NTPCR: variants seen among roughly 807,000 people sequenced by gnomAD.
NTPCR encodes the protein cancer-related nucleoside-triphosphatase.
In NTPCR, 15 loss-of-function variants were observed where a neutral mutation model predicts 19.5. The observed-to-expected ratio is 0.77, with a 90% CI of 0.51 to 1.18. NTPCR has a LOEUF of 1.18. Ranked by LOEUF, NTPCR falls within the 50% of genes most tolerant of loss-of-function variation. The probability of loss-of-function intolerance (pLI) is 0.00; values close to 1 mark genes in which losing one functional copy is unlikely to be tolerated. For synonymous variants in NTPCR, 90 were observed against 95.8 expected (o/e 0.94, Z 0.36); for missense variants, 206 against 240.4 (o/e 0.86, Z 0.95).
chr1:232,978,081 G>C (rs1045158), intron 4 of NTPCR, 82 bp from the exon 5 acceptor site: 2 of 1,221,556 alleles, frequency 1.6e-6, no homozygotes, highest in African/African-American at 1.5e-5. Flanking sequence ...CCTTCCAGGC[G>C]TTTCTTTTAG....
At position 232,980,325 on chromosome 1, in the gene NTPCR, A is replaced by G; in HGVS notation, c.*2094A>G. On this transcript the variant is annotated 3_prime_UTR_variant, in exon 5 of 5. Coordinates refer to ENST00000366628, the MANE Select transcript of NTPCR (RefSeq NM_032324.3). ...TAAAGAGACAAGCTTGGAGTGTTTA[A>G]GTGGTTCGTTCAGGAGCACAGTGAT... 6.6e-6 allele frequency: 1 copy of G among 152,184 alleles called. No homozygotes were observed. The highest frequency in any genetic ancestry group is 1.9e-4 in the East Asian group (1 of 5,186). The allele number at this position is 152,184 out of a possible 1,614,324, so 9.4% of individuals were successfully genotyped here.
rs898392838 is a variant in NTPCR at position 232,983,560 on chromosome 1, A to G, written c.*5329A>G. 4 of 152,302 alleles carry G rather than the reference A, an allele frequency of 2.6e-5. No individual in the cohort carries two copies. In the East Asian group the frequency reaches 5.8e-4, roughly 22 times the overall value. The allele number at this position is 152,302 out of a possible 1,614,324, so 9.4% of individuals were successfully genotyped here. ...CCCGCAGGGTGCTGGCGGCCCACCAATCGCCTGGACTACAGTGAGGAGCAT... is the reference window on the plus strand; with the variant it reads ...CCCGCAGGGTGCTGGCGGCCCACCAGTCGCCTGGACTACAGTGAGGAGCAT... On this transcript the variant is annotated 3_prime_UTR_variant, in exon 5 of 5. Transcript: ENST00000366628.
At chr1:232,975,590 T>G (rs1053314270) in intron 4 of NTPCR, among the ~76,000 whole-genome samples, 5 of 152,162 alleles carry the variant, frequency 3.3e-5, no homozygotes, top group Admixed American at 2.6e-4. Context: ...AGCAAGGGAT[T>G]GGATCTGGAG....
chr1:232,955,580 C>T lies in NTPCR; in HGVS notation c.58C>T (p.His20Tyr), dbSNP rs1159005031. The stretch of plus-strand genomic sequence containing the variant: ...AGGAGTTGGAAAAACAACATTGATC[C>T]ATAAAGCCAGTGAGGTTTTAAAATC... Reference protein sequence around the residue: ...PPGVGKTTLIHKASEVLKSSG... With the variant: ...PPGVGKTTLIYKASEVLKSSG... Residue 20 changes from histidine to tyrosine, a missense_variant, in exon 2 of 5, where the codon CAT becomes TAT. Transcript: ENST00000366628. The T allele has an allele frequency of 9.4e-6, 15 of 1,592,988 alleles. No individual in the cohort carries two copies. The highest frequency in any genetic ancestry group is 9.1e-5 in the East Asian group (4 of 44,144).
At chr1:232,969,851 A>T in intron 3 of NTPCR, 58 bp from the exon 4 acceptor site, 1 of 1,396,126 alleles carries the variant, frequency 7.2e-7, no homozygotes, top group Non-Finnish European at 1.0e-6. Context: ...AGTGGGACCC[A>T]TGGGCCCTTT....
chr1:232,972,771 A>G (rs1162222659), intron 4 of NTPCR, among the ~76,000 whole-genome samples: 1 of 152,194 alleles, frequency 6.6e-6, no homozygotes, highest in African/African-American at 2.4e-5. Context: ...GTTGGATTAG[A>G]TATATTTTTG....
chr1:232,955,840 GC>G, intron 2 of NTPCR, 121 bp downstream of exon 2: 1 of 919,418 alleles, frequency 1.1e-6, no homozygotes, highest in Non-Finnish European at 1.7e-6. Context: ...GTCCTTGGAT[GC>G]CCATCTGCTT....
chr1:232,956,501 G>A, intron 3 of NTPCR, 58 bp downstream of exon 3: 3 of 1,207,830 alleles, frequency 2.5e-6, no homozygotes, highest in South Asian at 2.5e-5. Context: ...TGTGGGAATT[G>A]CTAGCCATGG....
intron 1 of NTPCR, 26 bp downstream of exon 1, chr1:232,950,770 C>CA: frequency 6.4e-7 from 1 of 1,562,648 alleles, no homozygotes; most frequent in Non-Finnish European, 8.7e-7. Flanking sequence ...TCCCCACCTC[C>CA]AAGAGGTCGA....
At chr1:232,972,221 AG>A (rs1302115148) in intron 4 of NTPCR, among the ~76,000 whole-genome samples, 2 of 152,184 alleles carry the variant, frequency 1.3e-5, no homozygotes, top group Non-Finnish European at 2.9e-5. Flanking sequence ...AGTAAGAGAT[AG>A]GGGCTGACAT....
At position 232,983,415 on chromosome 1, in the gene NTPCR, C is replaced by T. The variant is rs938528211; in HGVS notation, c.*5184C>T. On this transcript the variant is annotated 3_prime_UTR_variant, in exon 5 of 5. Transcript: ENST00000366628. ...AGAAATGAGAAGCTTCAGTATAACTCAAAACACTGGACGCAGCAATAACTA... is the reference window on the plus strand; with the variant it reads ...AGAAATGAGAAGCTTCAGTATAACTTAAAACACTGGACGCAGCAATAACTA... 2.0e-4 allele frequency: 31 copies of T among 152,186 alleles called. No homozygotes were observed. Among genetic ancestry groups the T allele is most frequent in the African/African-American group, 6.5e-4 (27 of 41,430 alleles). 9.4% of individuals were successfully genotyped at this position (152,186 alleles called of 1,614,324 possible). A position where few individuals can be genotyped will look rare whatever the true frequency, so the allele number is the denominator to read the frequency against.
intron 3 of NTPCR, among the ~76,000 whole-genome samples, chr1:232,956,842 C>A (rs1046193557): frequency 6.6e-6 from 1 of 152,070 alleles, no homozygotes; most frequent in Non-Finnish European, 1.5e-5. Flanking sequence ...AAGCAGTTAA[C>A]GTATTATATT....
In NTPCR at chr1:232,978,459, A is replaced by T; in HGVS notation, c.*228A>T. On this transcript the variant is annotated 3_prime_UTR_variant, in exon 5 of 5. Transcript: ENST00000366628. ...CATTGTGGCTTATCTATGCTTAAAG[A>T]TTTCTTGTTTATTTCCTCTTGCAGT... 1 of 439,484 alleles carries T rather than the reference A, an allele frequency of 2.3e-6. No individual in the cohort carries two copies. Among genetic ancestry groups the T allele is most frequent in the Non-Finnish European group, 4.1e-6 (1 of 244,590 alleles). The allele number at this position is 439,484 out of a possible 1,614,324, so 27.2% of individuals were successfully genotyped here.
At chr1:232,974,624 G>A (rs1362035137) in intron 4 of NTPCR, among the ~76,000 whole-genome samples, 1 of 152,234 alleles carries the variant, frequency 6.6e-6, no homozygotes, top group Non-Finnish European at 1.5e-5. Flanking sequence ...ACCTAGTAAA[G>A]CATCAGTAGA....
chr1:232,968,665 C>T (rs1668889669), intron 3 of NTPCR: 1 of 152,264 alleles, frequency 6.6e-6, no homozygotes, highest in Non-Finnish European at 1.5e-5. Context: ...GTACCATATG[C>T]TGCTTTGGCT....
chr1:232,963,207 C>G (rs910354140), intron 3 of NTPCR: 5 of 152,212 alleles, frequency 3.3e-5, no homozygotes, highest in African/African-American at 1.2e-4. Context: ...TCAGTAAGGA[C>G]ATTCCTGCAG....
At chr1:232,974,987 A>ACCATTGTATCCCATTGAGTTTTATC (rs1347230020) in intron 4 of NTPCR, among the ~76,000 whole-genome samples, 2 of 152,220 alleles carry the variant, frequency 1.3e-5, no homozygotes, top group Non-Finnish European at 2.9e-5. Context: ...AGAGGTTATT[A>ACCATTGTATCCCATTGAGTTTTATC]CCATTGTATC....
intron 3 of NTPCR, chr1:232,964,659 AC>A (rs1442083503): frequency 6.6e-6 from 1 of 152,196 alleles, no homozygotes; most frequent in Non-Finnish European, 1.5e-5. Flanking sequence ...TTGAAGCTGC[AC>A]TAAAAAAAAT....
rs1669229790 is a variant in NTPCR, at chr1:232,979,376, A to G, written c.*1145A>G. The stretch of plus-strand genomic sequence containing the variant: ...GGACAAGTCGGGCATGTGGCGGGTG[A>G]GGAGCCCTGGGCTGGGCACTGGGGC... On this transcript the variant is annotated 3_prime_UTR_variant, in exon 5 of 5. Transcript: ENST00000366628. The surrounding 1 kb of genome is among the most constrained non-coding windows in gnomAD (Gnocchi z 5.3). 6.6e-6 allele frequency: 1 copy of G among 152,220 alleles called. No homozygotes were observed. The highest frequency in any genetic ancestry group is 2.4e-5 in the African/African-American group (1 of 41,420). The allele number at this position is 152,220 out of a possible 1,614,324, so 9.4% of individuals were successfully genotyped here. A position where few individuals can be genotyped will look rare whatever the true frequency, so the allele number is the denominator to read the frequency against.
Sources: allele counts gnomAD v4.1 joint callset (sites outside exome capture counted in the v4.1 genomes callset), GRCh38; gene constraint gnomAD v4.1.1; non-coding constraint Gnocchi (gnomAD v3.1); transcripts MANE v1.5; gene names NCBI Gene and HGNC (gene_info 2026-07-23, HGNC 2026-07-21).